SLC60A1: variants seen among roughly 807,000 people sequenced by gnomAD.
SLC60A1 encodes major facilitator superfamily domain containing 4.
chr1:205,580,981 C>T, the SLC60A1 span: 1 of 1,558,140 alleles, frequency 6.4e-7, no homozygotes, highest in Admixed American at 1.8e-5. The surrounding 1 kb of genome is among the most constrained non-coding windows in gnomAD (Gnocchi z 5.0). Flanking sequence ...CATCCCAGTC[C>T]ACCCCACACC....
the SLC60A1 span, chr1:205,598,837 C>T: frequency 2.4e-6 from 1 of 425,154 alleles, no homozygotes; most frequent in Non-Finnish European, 4.2e-6. Flanking sequence ...CCTAGTATGA[C>T]TGGAGCTTCA....
chr1:205,572,477 T>C, the SLC60A1 span, among the ~76,000 whole-genome samples: 2 of 151,974 alleles, frequency 1.3e-5, no homozygotes, highest in African/African-American at 2.4e-5. Context: ...GTTCCTTTTT[T>C]CCCCCTCAAA....
the SLC60A1 span, among the ~76,000 whole-genome samples, chr1:205,578,461 G>T: frequency 6.6e-6 from 1 of 152,202 alleles, no homozygotes; most frequent in Non-Finnish European, 1.5e-5. Context: ...TGAGTTCTGA[G>T]CTGGGAACAT....
the SLC60A1 span, among the ~76,000 whole-genome samples, chr1:205,577,461 G>A: frequency 4.6e-5 from 7 of 152,242 alleles, no homozygotes; most frequent in Non-Finnish European, 1.0e-4. This position sits in a 1 kb window ranked among gnomAD's most constrained non-coding sequence, Gnocchi z 5.2. Flanking sequence ...TGGGGAAGCT[G>A]GTGGTGGAGC....
chr1:205,569,338 C>G, the SLC60A1 span: 2 of 1,400,966 alleles, frequency 1.4e-6, no homozygotes, highest in Non-Finnish European at 9.4e-7. Flanking sequence ...CCGCGGCCCC[C>G]GGCACCCACC....
chr1:205,601,463 C>T, the SLC60A1 span: 2 of 152,164 alleles, frequency 1.3e-5, no homozygotes, highest in East Asian at 1.9e-4. Flanking sequence ...GTCCAGAAAT[C>T]GCCCAGGAGA....
At chr1:205,586,898 C>T in the SLC60A1 span, among the ~76,000 whole-genome samples, 55 of 152,092 alleles carry the variant, frequency 3.6e-4, no homozygotes, top group African/African-American at 1.1e-3. Flanking sequence ...GGTTTCACCA[C>T]GTTGGCCAGG....
the SLC60A1 span, chr1:205,580,625 C>CG: frequency 6.3e-7 from 1 of 1,591,698 alleles, no homozygotes; most frequent in Non-Finnish European, 8.6e-7. This position sits in a 1 kb window ranked among gnomAD's most constrained non-coding sequence, Gnocchi z 5.0. Context: ...GAAGACTGAC[C>CG]CCCACCCCCA....
At chr1:205,592,293 G>A in the SLC60A1 span, 2 of 1,605,894 alleles carry the variant, frequency 1.2e-6, no homozygotes, top group Non-Finnish European at 1.7e-6. Flanking sequence ...CAAAGGTGAG[G>A]GCCGGGCCCG....
the SLC60A1 span, chr1:205,584,854 G>C: frequency 1.2e-6 from 2 of 1,609,274 alleles, no homozygotes; most frequent in African/African-American, 2.7e-5. Flanking sequence ...ACTCACCCCT[G>C]TTCTTCCTGT....
chr1:205,599,243 T>TC, the SLC60A1 span: 1 of 1,613,908 alleles, frequency 6.2e-7, no homozygotes, highest in South Asian at 1.1e-5. Flanking sequence ...CACCCTGGAC[T>TC]CCCATCAGGT....
chr1:205,579,987 GA>G, the SLC60A1 span: 1 of 1,586,816 alleles, frequency 6.3e-7, no homozygotes, highest in Non-Finnish European at 8.6e-7. Context: ...GGGAGCTGGG[GA>G]GGGCATGGGA....
chr1:205,600,093 GGT>G, the SLC60A1 span: 1 of 279,346 alleles, frequency 3.6e-6, no homozygotes, highest in Non-Finnish European at 6.8e-6. Context: ...CAGCAGTACT[GGT>G]TGCACACACA....
chr1:205,587,939 A>G, the SLC60A1 span, among the ~76,000 whole-genome samples: 3 of 152,198 alleles, frequency 2.0e-5, no homozygotes. Context: ...AAGCATCCAC[A>G]TATGTTAGGC....
At chr1:205,586,937 A>T in the SLC60A1 span, among the ~76,000 whole-genome samples, 1 of 151,916 alleles carries the variant, frequency 6.6e-6, no homozygotes, top group Non-Finnish European at 1.5e-5. Context: ...CCTCTTAATG[A>T]TCCACCCGCC....
At chr1:205,593,812 T>G in the SLC60A1 span, among the ~76,000 whole-genome samples, 1 of 152,182 alleles carries the variant, frequency 6.6e-6, no homozygotes, top group Non-Finnish European at 1.5e-5. Flanking sequence ...TCCTCCCAGA[T>G]CCCTTCTGAG....
the SLC60A1 span, chr1:205,580,635 A>ACCC: frequency 3.5e-6 from 3 of 852,420 alleles, no homozygotes; most frequent in Non-Finnish European, 3.3e-6. This position sits in a 1 kb window ranked among gnomAD's most constrained non-coding sequence, Gnocchi z 5.0. Flanking sequence ...CCCCACCCCC[A>ACCC]CCCGCCACCT....
At chr1:205,580,511 C>A in the SLC60A1 span, 2 of 1,016,138 alleles carry the variant, frequency 2.0e-6, no homozygotes, top group Non-Finnish European at 2.8e-6. This position sits in a 1 kb window ranked among gnomAD's most constrained non-coding sequence, Gnocchi z 5.0. Context: ...CTCCCCATTC[C>A]AGGGCTGGGC....
chr1:205,583,140 G>A, the SLC60A1 span, among the ~76,000 whole-genome samples: 1 of 152,156 alleles, frequency 6.6e-6, no homozygotes, highest in African/African-American at 2.4e-5. Flanking sequence ...CAACCAGGGT[G>A]GTGAGACACA....
Sources: allele counts gnomAD v4.1 joint callset (sites outside exome capture counted in the v4.1 genomes callset), GRCh38; gene constraint gnomAD v4.1.1; non-coding constraint Gnocchi (gnomAD v3.1); transcripts MANE v1.5; gene names NCBI Gene and HGNC (gene_info 2026-07-23, HGNC 2026-07-21).